The following EGLN1 variants were observed in gnomAD, a reference collection of about 807,000 sequenced individuals.
EGLN1 encodes egl-9 family hypoxia inducible factor 1.
A neutral mutation model predicts 38.3 loss-of-function variants in EGLN1; 17 were observed. The ratio of observed to expected loss-of-function variants is 0.44; its 90% CI spans 0.30 to 0.67. The LOEUF is 0.67. EGLN1 is among the 30% of genes least tolerant of loss of function. The probability of loss-of-function intolerance (pLI) is 0.08; values close to 1 mark genes in which losing one functional copy is unlikely to be tolerated. For synonymous variants in EGLN1, 283 were observed against 257.5 expected (o/e 1.10, Z -0.95); for missense variants, 477 against 603.3 (o/e 0.79, Z 2.19).
chr1:231,370,734 C>G, intron 2 of EGLN1, 36 bp from the exon 3 acceptor site: 2 of 1,611,712 alleles, frequency 1.2e-6, no homozygotes, highest in Non-Finnish European at 1.7e-6. Flanking sequence ...CAGGAGTAAC[C>G]AAAAATGCTA....
At chr1:231,410,931 G>A (rs1688925241) in intron 1 of EGLN1, among the ~76,000 whole-genome samples, 1 of 152,014 alleles carries the variant, frequency 6.6e-6, no homozygotes, top group Admixed American at 6.5e-5. Flanking sequence ...AGACCTAACA[G>A]AAATTGGTAG....
chr1:231,421,910 G>GGCGACT lies in EGLN1; in HGVS notation c.-28_-23dup. ...CCATGGCGGCGGCGGCGGCGGCGACGGCGACTGCGGCGGCCGAGCAGGAGG... is the reference window on the plus strand; with the variant it reads ...CCATGGCGGCGGCGGCGGCGGCGACGGCGACTGCGACTGCGGCGGCCGAGCAGGAGG... On this transcript the variant is annotated 5_prime_UTR_variant, in exon 1 of 5. Transcript: ENST00000366641. The surrounding 1 kb of genome is among the most constrained non-coding windows in gnomAD (Gnocchi z 5.5). 1.4e-6 allele frequency: 2 copies of GGCGACT among 1,384,926 alleles called. No homozygotes were observed. Among genetic ancestry groups the GGCGACT allele is most frequent in the Non-Finnish European group, 1.9e-6 (2 of 1,079,804 alleles). 85.8% of individuals were successfully genotyped at this position (1,384,926 alleles called of 1,614,324 possible). A position where few individuals can be genotyped will look rare whatever the true frequency, so the allele number is the denominator to read the frequency against.
rs1209656135 is a variant in EGLN1, at chr1:231,373,993, T to A, written c.998A>T (p.Asp333Val). The change falls in exon 2 of 5, where the codon GAC (aspartate) becomes GTC (valine). Residue 333 changes from aspartate (D) to valine (V), a missense_variant. Coordinates refer to ENST00000366641, the MANE Select transcript of EGLN1 (RefSeq NM_022051.3). ...TAAGTTGCATACCTTGGCATCCCAG[T>A]CTTTATTAAGATAATATATACATGT... ...CVTCIYYLNK[D>V]WDAKVSGGIL... is the part of the protein sequence containing the mutation. 1 of 1,613,700 alleles carries A rather than the reference T, an allele frequency of 6.2e-7. No individual in the cohort carries two copies. The highest frequency in any genetic ancestry group is 8.5e-7 in the Non-Finnish European group (1 of 1,179,850).
chr1:231,391,088 T>TGTGTGTGTGTGTGTGTGTG lies in EGLN1; in HGVS notation c.892-16990_892-16989insCACACACACACACACACAC, dbSNP rs1558387104. Among the ~76,000 whole-genome samples, 3 of 34,692 alleles carry TGTGTGTGTGTGTGTGTGTG rather than the reference T, an allele frequency of 8.6e-5. 1 individual carries two copies. The highest frequency in any genetic ancestry group is 2.1e-4 in the African/African-American group (3 of 13,982). The allele number at this position is 34,692 out of a possible 152,430, so 22.8% of individuals were successfully genotyped here. On this transcript the variant is annotated intron_variant, in intron 1 of 4. Coordinates refer to ENST00000366641, the MANE Select transcript of EGLN1 (RefSeq NM_022051.3). ...TGAGACAGGGAACTCATTCTGTTTT[T>TGTGTGTGTGTGTGTGTGTG]TTTTTGTGTGTGTGTGTGTGTGTGT...
intron 1 of EGLN1, among the ~76,000 whole-genome samples, chr1:231,375,929 T>C (rs1482095644): frequency 1.3e-5 from 2 of 152,196 alleles, no homozygotes; most frequent in African/African-American, 4.8e-5. Context: ...AAAAAGTTAA[T>C]TTGGGCCTTT....
At chr1:231,384,591 T>C (rs1180425196) in intron 1 of EGLN1, among the ~76,000 whole-genome samples, 1 of 151,990 alleles carries the variant, frequency 6.6e-6, no homozygotes, top group Admixed American at 6.6e-5. Flanking sequence ...AGAGGGTCAG[T>C]GTGACTGGAG....
rs555121182 is a variant in EGLN1, at chr1:231,421,769, G to A, written c.120C>T (p.Phe40=). The change falls in exon 1 of 5, where the codon TTC becomes TTT. Residue 40 remains phenylalanine, a synonymous_variant. Coordinates refer to ENST00000366641, the MANE Select transcript of EGLN1 (RefSeq NM_022051.3). This position sits in a 1 kb window ranked among gnomAD's most constrained non-coding sequence, Gnocchi z 5.5. ...LLRCSRCRSS[F]YCCKEHQRQD... ...GACGCTGGTGCTCCTTGCAGCAGTA[G>A]AAGGAGCTGCGGCAGCGGCTGCAGC... is the stretch of plus-strand genomic sequence containing the variant. The A allele has an allele frequency of 4.3e-4, 666 of 1,557,014 alleles. 7 individuals carry two copies. The East Asian group carries it at 0.012, about 27-fold the overall frequency.
At chr1:231,419,546 CAAT>C (rs373554305) in intron 1 of EGLN1, among the ~76,000 whole-genome samples, 7 of 152,098 alleles carry the variant, frequency 4.6e-5, no homozygotes, top group African/African-American at 1.7e-4. Context: ...TCAGATGTGA[CAAT>C]TTCTTAAAGT....
intron 3 of EGLN1, among the ~76,000 whole-genome samples, chr1:231,369,793 T>A (rs1333998757): frequency 2.6e-5 from 4 of 152,208 alleles, no homozygotes; most frequent in Non-Finnish European, 5.9e-5. Context: ...AAGCTCACTA[T>A]CAGAATGTTC....
intron 1 of EGLN1, among the ~76,000 whole-genome samples, chr1:231,400,522 T>C (rs1688639813): frequency 6.6e-6 from 1 of 152,184 alleles, no homozygotes; most frequent in Non-Finnish European, 1.5e-5. Flanking sequence ...TGAACTTTAC[T>C]ACTTGACCAA....
intron 1 of EGLN1, among the ~76,000 whole-genome samples, chr1:231,378,041 C>T (rs996261682): frequency 1.3e-5 from 2 of 152,172 alleles, no homozygotes; most frequent in Non-Finnish European, 2.9e-5. Flanking sequence ...GCCATTACCA[C>T]TTTAGTCTTA....
rs1010827710 is a variant in EGLN1, at chr1:231,393,178, C to A, written c.892-19079G>T. 7.9e-5 allele frequency among the ~76,000 whole-genome samples: 12 copies of A among 152,198 alleles called. No individual in the cohort carries two copies. The East Asian group carries it at 2.1e-3, about 27-fold the overall frequency. Reference sequence around the variant, plus strand: ...ATATAGAAAAGAAAAGCTGAGAGATCAAGTTTTGATAATATTGTTTGAGCC... The same window carrying A: ...ATATAGAAAAGAAAAGCTGAGAGATAAAGTTTTGATAATATTGTTTGAGCC... On this transcript the variant is annotated intron_variant, in intron 1 of 4. Transcript: ENST00000366641.
At chr1:231,388,540 T>C (rs963641042) in intron 1 of EGLN1, among the ~76,000 whole-genome samples, 3 of 151,354 alleles carry the variant, frequency 2.0e-5, no homozygotes, top group African/African-American at 7.3e-5. Context: ...TGGCGTGATC[T>C]TGGCTACTGC....
intron 1 of EGLN1, among the ~76,000 whole-genome samples, chr1:231,419,370 G>C (rs1467942726): frequency 6.6e-6 from 1 of 152,160 alleles, no homozygotes; most frequent in East Asian, 1.9e-4. Flanking sequence ...AGCTTAACTT[G>C]GAAAGCTAAA....
intron 1 of EGLN1, among the ~76,000 whole-genome samples, chr1:231,395,962 C>T (rs111976532): frequency 6.6e-5 from 10 of 151,810 alleles, no homozygotes; most frequent in Admixed American, 1.3e-4. Flanking sequence ...CCCAACGCAC[C>T]GCTTTCTGAC....
At chr1:231,400,121 T>C (rs1048948712) in intron 1 of EGLN1, among the ~76,000 whole-genome samples, 5 of 152,030 alleles carry the variant, frequency 3.3e-5, no homozygotes, top group Non-Finnish European at 7.4e-5. Context: ...AGCTTATAGG[T>C]TGTGAGAGGT....
chr1:231,413,806 C>T (rs149459289), intron 1 of EGLN1, among the ~76,000 whole-genome samples: 1 of 149,832 alleles, frequency 6.7e-6, no homozygotes, highest in African/African-American at 2.5e-5. Flanking sequence ...GTAAAGAGTA[C>T]ACGTATTTTG....
At chr1:231,403,034 CCA>C (rs1572042438) in intron 1 of EGLN1, among the ~76,000 whole-genome samples, 2 of 152,132 alleles carry the variant, frequency 1.3e-5, no homozygotes, top group Non-Finnish European at 1.5e-5. Flanking sequence ...TGTTTAATTT[CCA>C]CATATGAGAT....
At chr1:231,376,842 A>G (rs1687970158) in intron 1 of EGLN1, among the ~76,000 whole-genome samples, 2 of 152,184 alleles carry the variant, frequency 1.3e-5, no homozygotes, top group African/African-American at 2.4e-5. Flanking sequence ...CTGAAGAGAG[A>G]GCAATGTGGC....
Sources: allele counts gnomAD v4.1 joint callset (sites outside exome capture counted in the v4.1 genomes callset), GRCh38; gene constraint gnomAD v4.1.1; non-coding constraint Gnocchi (gnomAD v3.1); transcripts MANE v1.5; gene names NCBI Gene and HGNC (gene_info 2026-07-23, HGNC 2026-07-21).